The following GOLM2 variants were observed in gnomAD, a reference collection of about 807,000 sequenced individuals.
GOLM2 encodes golgi membrane protein 2.
In GOLM2, 26 loss-of-function variants were observed where a neutral mutation model predicts 55.9. The ratio of observed to expected loss-of-function variants is 0.47; its 90% CI spans 0.34 to 0.65. The LOEUF (loss-of-function observed/expected upper bound fraction) is 0.65, where lower values mean the gene tolerates loss of function less well. Ranked by LOEUF, GOLM2 falls within the 30% of genes least tolerant of loss-of-function variation. GOLM2 has a pLI of 0.01. For synonymous variants in GOLM2, 165 were observed against 194.6 expected, an observed-to-expected ratio of 0.85 and a Z score of 1.27; for missense variants, 486 against 531.8, an observed-to-expected ratio of 0.91 and a Z score of 0.85.
intron 8 of GOLM2, among the ~76,000 whole-genome samples, chr15:44,388,542 CGTGCTCCTG>C (rs1198897893): frequency 3.3e-5 from 5 of 151,982 alleles, no homozygotes; most frequent in Non-Finnish European, 5.9e-5. Context: ...GGCATGGAGG[CGTGCTCCTG>C]TAGCCCCACC....
intron 1 of GOLM2, among the ~76,000 whole-genome samples, chr15:44,322,204 C>T (rs548401683): frequency 9.2e-5 from 14 of 152,324 alleles, no homozygotes; most frequent in Admixed American, 7.8e-4. Flanking sequence ...CCCATCTCTA[C>T]TAAAAATACA....
intron 1 of GOLM2, among the ~76,000 whole-genome samples, chr15:44,322,065 A>AT (rs1567025092): frequency 3.3e-5 from 5 of 151,872 alleles, no homozygotes. Context: ...GAAAAAAAAA[A>AT]GTTTAAAAAT....
chr15:44,315,384 G>A (rs1459554043), intron 1 of GOLM2, among the ~76,000 whole-genome samples: 1 of 152,202 alleles, frequency 6.6e-6, no homozygotes, highest in Non-Finnish European at 1.5e-5. Context: ...GCACAGCTGA[G>A]CCATTTTCAA....
At chr15:44,365,449 C>T (rs12594621) in intron 6 of GOLM2, among the ~76,000 whole-genome samples, 6,734 of 151,958 alleles carry the variant, frequency 0.044, 255 homozygotes, top group East Asian at 0.19. Flanking sequence ...ATCACCTGAG[C>T]CTGGGAAGTT....
intron 6 of GOLM2, among the ~76,000 whole-genome samples, chr15:44,375,635 G>C (rs2079359677): frequency 6.6e-6 from 1 of 152,076 alleles, no homozygotes; most frequent in South Asian, 2.1e-4. Context: ...TTTTTAATTA[G>C]CCAGGTGTAG....
At position 44,328,717 on chromosome 15, in the gene GOLM2, C is replaced by T. The variant is rs771830526; in HGVS notation, c.415C>T (p.Arg139Ter). The T allele has an allele frequency of 6.8e-6, 11 of 1,612,794 alleles. No homozygotes were observed. The highest frequency in any genetic ancestry group is 2.2e-5 in the East Asian group (1 of 44,806). The change falls in exon 3 of 10, where the codon CGA (arginine) becomes TGA (stop). Residue 139 changes from arginine to a stop codon, truncating the protein, a stop_gained. Coordinates refer to ENST00000299957, the MANE Select transcript of GOLM2 (RefSeq NM_138423.4). LOFTEE classifies it high-confidence loss of function. ...TGCTGAGCTTCGTCAGGAATTTCTTCGACAAGAAGACCAGCTTCAGGACTA... is the reference window on the plus strand; with the variant it reads ...TGCTGAGCTTCGTCAGGAATTTCTTTGACAAGAAGACCAGCTTCAGGACTA... Reference protein sequence around the residue: ...QLAELRQEFLRQEDQLQDYRK... With the variant: ...QLAELRQEFL
At chr15:44,330,514 G>GAAA (rs764271493) in intron 3 of GOLM2, among the ~76,000 whole-genome samples, 1 of 72,330 alleles carries the variant, frequency 1.4e-5, no homozygotes, top group African/African-American at 5.0e-5. Flanking sequence ...ACTCCATCTG[G>GAAA]AAAAAAAAAA....
intron 9 of GOLM2, among the ~76,000 whole-genome samples, chr15:44,411,828 CAAAAA>C (rs60534778): frequency 1.5e-5 from 1 of 68,350 alleles, no homozygotes. Flanking sequence ...GACTGCATCT[CAAAAA>C]AAAAAAAAAA....
Position 44,413,442 on chromosome 15 carries a change from G to A in GOLM2, c.*36G>A, listed in dbSNP as rs1244062184. 2.1e-6 allele frequency: 3 copies of A among 1,443,340 alleles called. No individual in the cohort carries two copies. The highest frequency in any genetic ancestry group is 3.6e-5 in the Admixed American group (2 of 55,248). 89.4% of individuals were successfully genotyped at this position (1,443,340 alleles called of 1,614,324 possible). A position where few individuals can be genotyped will look rare whatever the true frequency, so the allele number is the denominator to read the frequency against. On this transcript the variant is annotated 3_prime_UTR_variant, in exon 10 of 10. Coordinates refer to ENST00000299957, the MANE Select transcript of GOLM2 (RefSeq NM_138423.4). ...AATGCTTCAGAAAACCTAAAGTGCT[G>A]TAAAATGAAATCATTCTACTTTGTC... is the stretch of plus-strand genomic sequence containing the variant.
At chr15:44,396,038 G>A (rs1055437543) in intron 8 of GOLM2, among the ~76,000 whole-genome samples, 8 of 151,832 alleles carry the variant, frequency 5.3e-5, no homozygotes, top group Admixed American at 2.0e-4. Context: ...CAAAAGTAAA[G>A]ACTTTATAAC....
At chr15:44,357,546 G>A (rs2079206223) in intron 6 of GOLM2, among the ~76,000 whole-genome samples, 1 of 152,126 alleles carries the variant, frequency 6.6e-6, no homozygotes, top group African/African-American at 2.4e-5. Flanking sequence ...GGAAGTCTTA[G>A]CTAGTGTAAT....
At position 44,414,487 on chromosome 15, in the gene GOLM2, AACT is replaced by A. The variant is rs1423499409; in HGVS notation, c.*1082_*1084del. ...ACCAGTACTGTTTAACTATAGCCAG[AACT>A]GGCTAAAATTTTTATATTTTCAGAG... On this transcript the variant is annotated 3_prime_UTR_variant, in exon 10 of 10. Coordinates refer to ENST00000299957, the MANE Select transcript of GOLM2 (RefSeq NM_138423.4). 6.6e-5 allele frequency: 10 copies of A among 152,202 alleles called. No homozygotes were observed. In the East Asian group the frequency reaches 1.9e-3, roughly 29 times the overall value. The allele number at this position is 152,202 out of a possible 1,614,324, so 9.4% of individuals were successfully genotyped here.
chr15:44,306,535 AAGT>A (rs2078838399), intron 1 of GOLM2, among the ~76,000 whole-genome samples: 1 of 152,196 alleles, frequency 6.6e-6, no homozygotes, highest in Admixed American at 6.5e-5. Flanking sequence ...GTGTTCACTA[AAGT>A]AACACTTTGA....
At chr15:44,319,324 C>T (rs763279455) in intron 1 of GOLM2, among the ~76,000 whole-genome samples, 28 of 152,240 alleles carry the variant, frequency 1.8e-4, no homozygotes, top group Middle Eastern at 3.4e-3. Flanking sequence ...GTGATCTTCC[C>T]ACCTCAGCCT....
chr15:44,330,608 G>A (rs1269709566), intron 3 of GOLM2, among the ~76,000 whole-genome samples: 1 of 151,754 alleles, frequency 6.6e-6, no homozygotes, highest in Non-Finnish European at 1.5e-5. Context: ...GCATACACCT[G>A]TGGTCCCAGC....
At chr15:44,336,939 A>T (rs1038048723) in intron 4 of GOLM2, among the ~76,000 whole-genome samples, 5 of 152,120 alleles carry the variant, frequency 3.3e-5, no homozygotes, top group African/African-American at 1.2e-4. Flanking sequence ...AATAAAAAAA[A>T]ATATTTGGCT....
intron 6 of GOLM2, among the ~76,000 whole-genome samples, chr15:44,370,704 G>C (rs1334993085): frequency 6.6e-6 from 1 of 151,914 alleles, no homozygotes; most frequent in Admixed American, 6.6e-5. Flanking sequence ...AGCCTTTTTT[G>C]TGTATGTGTG....
At chr15:44,356,162 C>A (rs1313085832) in intron 6 of GOLM2, among the ~76,000 whole-genome samples, 3 of 151,112 alleles carry the variant, frequency 2.0e-5, no homozygotes, top group African/African-American at 7.3e-5. Context: ...TAAGTTTCCA[C>A]CTTAGGAAAT....
At chr15:44,322,551 C>T (rs1045851319) in intron 1 of GOLM2, among the ~76,000 whole-genome samples, 6 of 152,110 alleles carry the variant, frequency 3.9e-5, no homozygotes, top group African/African-American at 1.2e-4. Context: ...TCCCTGTCTA[C>T]GAGGTCCTGG....
Sources: allele counts gnomAD v4.1 joint callset (sites outside exome capture counted in the v4.1 genomes callset), GRCh38; gene constraint gnomAD v4.1.1; transcripts MANE v1.5; gene names NCBI Gene and HGNC (gene_info 2026-07-23, HGNC 2026-07-21).